Variants in BRD7 observed in about 807,000 individuals in gnomAD.
BRD7 encodes the protein bromodomain-containing protein 7.
BRD7 carries 15 observed loss-of-function variants against 82.1 expected under a neutral mutation model. The observed-to-expected ratio is 0.18, with a 90% CI of 0.12 to 0.28. The LOEUF (loss-of-function observed/expected upper bound fraction) is 0.28, where lower values mean the gene tolerates loss of function less well. BRD7 is among the 10% of genes least tolerant of loss of function. The probability of loss-of-function intolerance (pLI) is 1.00; values close to 1 mark genes in which losing one functional copy is unlikely to be tolerated. For missense variants in BRD7, 638 were observed against 779.9 expected (o/e 0.82, Z 2.17); for synonymous variants, 232 against 266.9 (o/e 0.87, Z 1.27).
At chr16:50,331,197 G>A (rs935663415) in intron 8 of BRD7, among the ~76,000 whole-genome samples, 1 of 152,178 alleles carries the variant, frequency 6.6e-6, no homozygotes, top group African/African-American at 2.4e-5. Flanking sequence ...AACATCCCAT[G>A]CTCATGGAAT....
rs142785685 is a variant in BRD7 at position 50,366,828 on chromosome 16, G to C, written c.258+1262C>G. On this transcript the variant is annotated intron_variant, in intron 2 of 16. Coordinates refer to ENST00000394688, the MANE Select transcript of BRD7 (RefSeq NM_013263.5). ...TACTATTAATTAAAAAAAACAACTGGTTACCTCTGAAGAGGGAGTCTATGT... is the reference window on the plus strand; with the variant it reads ...TACTATTAATTAAAAAAAACAACTGCTTACCTCTGAAGAGGGAGTCTATGT... 2.9e-3 allele frequency among the ~76,000 whole-genome samples: 434 copies of C among 152,218 alleles called. 16 individuals are homozygous for C. The South Asian group carries it at 0.07, about 25-fold the overall frequency.
At chr16:50,338,346 GC>G (rs1479678098) in intron 6 of BRD7, among the ~76,000 whole-genome samples, 1 of 152,124 alleles carries the variant, frequency 6.6e-6, no homozygotes, top group Non-Finnish European at 1.5e-5. Context: ...TATTAGGAGC[GC>G]AAGAATAATC....
At chr16:50,334,592 C>T (rs1200723408) in intron 7 of BRD7, 119 bp downstream of exon 7, 2 of 1,198,282 alleles carry the variant, frequency 1.7e-6, no homozygotes, top group Non-Finnish European at 2.3e-6. Context: ...CATGCCAAAA[C>T]ACCACCACCA....
intron 15 of BRD7, 83 bp downstream of exon 15, chr16:50,320,165 C>T: frequency 1.3e-6 from 2 of 1,537,974 alleles, no homozygotes; most frequent in Non-Finnish European, 8.8e-7. Flanking sequence ...CAGCATTACT[C>T]TATAGTGGCA....
chr16:50,326,239 C>A, intron 10 of BRD7, 45 bp downstream of exon 10: 1 of 1,524,890 alleles, frequency 6.6e-7, no homozygotes, highest in Non-Finnish European at 9.1e-7. Context: ...CCCTAATATC[C>A]CAAAACAGAG....
At position 50,337,452 on chromosome 16, in the gene BRD7, G is replaced by GT. The variant is rs541377523; in HGVS notation, c.702+2523dup. Among the ~76,000 whole-genome samples the GT allele has an allele frequency of 3.3e-3, 504 of 151,930 alleles. 1 individual carries two copies. The highest frequency in any genetic ancestry group is 0.011 in the African/African-American group (473 of 41,406). ...ATTTTGTATTTTTAGTAGAGACGGA[G>GT]TTTTTCCATGTTGGTCATGCTGGTC... On this transcript the variant is annotated intron_variant, in intron 6 of 16. Coordinates refer to ENST00000394688, the MANE Select transcript of BRD7 (RefSeq NM_013263.5).
chr16:50,333,981 C>CTT (rs1231210517), intron 7 of BRD7, among the ~76,000 whole-genome samples: 5 of 152,170 alleles, frequency 3.3e-5, no homozygotes, highest in Non-Finnish European at 7.3e-5. Context: ...TCAAACATTA[C>CTT]TTTGAAGGGA....
At chr16:50,340,548 G>T (rs769618691) in intron 5 of BRD7, among the ~76,000 whole-genome samples, 1 of 152,066 alleles carries the variant, frequency 6.6e-6, no homozygotes, top group Admixed American at 6.5e-5. Flanking sequence ...GACTGAAAAC[G>T]GAGCAGTCCT....
At chr16:50,363,658 T>TGCGC (rs1248113420) in intron 2 of BRD7, among the ~76,000 whole-genome samples, 2 of 55,284 alleles carry the variant, frequency 3.6e-5, no homozygotes, top group African/African-American at 8.1e-5. Flanking sequence ...TGTGTGTGTG[T>TGCGC]GTGCGCGCGC....
At position 50,342,943 on chromosome 16, in the gene BRD7, C is replaced by T. The variant is rs544288406; in HGVS notation, c.592-2857G>A. Among the ~76,000 whole-genome samples the T allele has an allele frequency of 2.0e-5, 3 of 152,126 alleles. No homozygotes were observed. The South Asian group carries it at 6.2e-4, about 32-fold the overall frequency. The stretch of plus-strand genomic sequence containing the variant: ...GGAATCAACACACACCAGGACACTC[C>T]CTCAAATGGGAAAAACCTCATCTAT... On this transcript the variant is annotated intron_variant, in intron 5 of 16. Transcript: ENST00000394688.
Position 50,320,754 on chromosome 16 carries a change from T to C in BRD7, c.1521A>G (p.Pro507=), listed in dbSNP as rs1433207681. 1.2e-6 allele frequency: 2 copies of C among 1,614,020 alleles called. No homozygotes were observed. Among genetic ancestry groups the C allele is most frequent in the Non-Finnish European group, 1.7e-6 (2 of 1,179,856 alleles). Reference sequence around the variant, plus strand: ...CTTGAGTACTGGAGTCCAAACGCCCTGGTGGCTCTACTTCTGTAATCTGCT... The same window carrying C: ...CTTGAGTACTGGAGTCCAAACGCCCCGGTGGCTCTACTTCTGTAATCTGCT... ...KEMEITEVEP[P]GRLDSSTQDR... is the part of the protein sequence containing the mutation. The change falls in exon 14 of 17, where the codon CCA becomes CCG. Residue 507 remains proline, a synonymous_variant. Transcript: ENST00000394688.
intron 13 of BRD7, 84 bp downstream of exon 13, chr16:50,321,898 A>T (rs551873353): frequency 7.8e-7 from 1 of 1,284,228 alleles, no homozygotes; most frequent in South Asian, 1.3e-5. Flanking sequence ...CTTCTTACCC[A>T]ATGGGCCTTC....
intron 2 of BRD7, among the ~76,000 whole-genome samples, chr16:50,358,495 C>CA (rs371307047): frequency 0.57 from 69,063 of 121,734 alleles, 20,844 homozygotes; most frequent in Non-Finnish European, 0.71. Context: ...GATCCTGTCT[C>CA]AAAAAAAAAA....
At chr16:50,362,429 C>T (rs115734086) in intron 2 of BRD7, among the ~76,000 whole-genome samples, 2,613 of 152,200 alleles carry the variant, frequency 0.017, 65 homozygotes, top group African/African-American at 0.059. Context: ...TAGTATGATC[C>T]AGTAATTCTA....
chr16:50,327,396 A>G (rs946363057), intron 9 of BRD7, among the ~76,000 whole-genome samples: 1 of 152,152 alleles, frequency 6.6e-6, no homozygotes, highest in East Asian at 1.9e-4. Flanking sequence ...CTAACACCAA[A>G]TGTTCACCAC....
At chr16:50,319,765 T>G in intron 16 of BRD7, 122 bp downstream of exon 16, 2 of 1,262,892 alleles carry the variant, frequency 1.6e-6, no homozygotes, top group Non-Finnish European at 2.2e-6. Flanking sequence ...CATCTACAGA[T>G]TTTGCTATCT....
At chr16:50,319,644 A>G (rs969866826) in intron 16 of BRD7, among the ~76,000 whole-genome samples, 2 of 152,240 alleles carry the variant, frequency 1.3e-5, no homozygotes, top group African/African-American at 4.8e-5. Context: ...AAATATAAAA[A>G]ATACAGTCTA....
intron 2 of BRD7, among the ~76,000 whole-genome samples, chr16:50,357,029 T>C (rs2038762866): frequency 6.6e-6 from 1 of 152,196 alleles, no homozygotes; most frequent in African/African-American, 2.4e-5. Flanking sequence ...GCATCAGGAT[T>C]ATTTAGGATT....
At chr16:50,348,296 A>G (rs2151184232) in intron 5 of BRD7, among the ~76,000 whole-genome samples, 1 of 152,292 alleles carries the variant, frequency 6.6e-6, no homozygotes, top group East Asian at 1.9e-4. Flanking sequence ...TAGACCTAAA[A>G]CCATAAAAAC....
Sources: gnomAD v4.1 joint callset for allele counts (sites outside exome capture counted in the v4.1 genomes callset) on GRCh38, gnomAD v4.1.1 for gene constraint, MANE v1.5 for transcripts, NCBI Gene and HGNC (gene_info 2026-07-23, HGNC 2026-07-21) for gene names.